Variants in DLGAP2 observed in about 807,000 individuals in gnomAD.
The protein encoded by DLGAP2 is disks large-associated protein 2.
DLGAP2 carries 26 observed loss-of-function variants against 100.3 expected under a neutral mutation model. That is an observed-to-expected ratio of 0.26 (90% CI 0.19 to 0.36). The LOEUF (loss-of-function observed/expected upper bound fraction) is 0.36, where lower values mean the gene tolerates loss of function less well. DLGAP2 is among the 10% of genes least tolerant of loss of function. The pLI is 1.00. For synonymous variants in DLGAP2, 886 were observed against 630.1 expected, an observed-to-expected ratio of 1.41 and a Z score of -6.08; for missense variants, 1,858 against 1,453.2, an observed-to-expected ratio of 1.28 and a Z score of -4.53.
chr8:1,637,254 A>G (rs1033979903), intron 8 of DLGAP2, among the ~76,000 whole-genome samples: 1 of 152,142 alleles, frequency 6.6e-6, no homozygotes, highest in African/African-American at 2.4e-5. Flanking sequence ...CTATATGGGG[A>G]AAGGCTTTGG....
At chr8:1,345,767 G>C (rs565425232) in intron 3 of DLGAP2, among the ~76,000 whole-genome samples, 1 of 152,318 alleles carries the variant, frequency 6.6e-6, no homozygotes, top group East Asian at 1.9e-4. Context: ...AACTTTCTAG[G>C]CTTTTTTTCT....
chr8:968,474 TC>T (rs1799935501), intron 2 of DLGAP2, among the ~76,000 whole-genome samples: 1 of 152,070 alleles, frequency 6.6e-6, no homozygotes, highest in Admixed American at 6.5e-5. Context: ...CTGCCCACAT[TC>T]CTCCAGGTCC....
intron 3 of DLGAP2, among the ~76,000 whole-genome samples, chr8:1,443,585 C>T (rs921508833): frequency 2.6e-5 from 4 of 152,160 alleles, no homozygotes; most frequent in Non-Finnish European, 1.5e-5. Context: ...TTAATGGACT[C>T]ACAGTTCCAC....
intron 1 of DLGAP2, among the ~76,000 whole-genome samples, chr8:796,012 A>G (rs1376596927): frequency 1.4e-5 from 2 of 141,408 alleles, no homozygotes; most frequent in African/African-American, 2.7e-5. Flanking sequence ...GCAGGCGTCC[A>G]GTGAGAGCAG....
At position 1,705,778 on chromosome 8, in the gene DLGAP2, C is replaced by A. The variant is rs941239885; in HGVS notation, c.*4372C>A. 7.2e-5 allele frequency: 11 copies of A among 152,160 alleles called. No individual in the cohort carries two copies. The highest frequency in any genetic ancestry group is 2.4e-4 in the African/African-American group (10 of 41,420). 9.4% of individuals were successfully genotyped at this position (152,160 alleles called of 1,614,324 possible). On this transcript the variant is annotated 3_prime_UTR_variant, in exon 15 of 15. Coordinates refer to ENST00000637795, the MANE Select transcript of DLGAP2 (RefSeq NM_001346810.2). ...TAAAACTGCAGTTTTCAGACGACAGCCCCTGGGAATGTTCCAGGGTTCTCT... is the reference window on the plus strand; with the variant it reads ...TAAAACTGCAGTTTTCAGACGACAGACCCTGGGAATGTTCCAGGGTTCTCT...
intron 2 of DLGAP2, among the ~76,000 whole-genome samples, chr8:1,051,703 C>T (rs1158470296): frequency 2.0e-5 from 3 of 152,076 alleles, no homozygotes; most frequent in Non-Finnish European, 4.4e-5. Context: ...ACGGAAGCTG[C>T]TTCTTCTCAT....
chr8:1,313,290 A>G (rs1480591362), intron 3 of DLGAP2, among the ~76,000 whole-genome samples: 6 of 152,240 alleles, frequency 3.9e-5, no homozygotes, highest in African/African-American at 9.6e-5. Context: ...CATTATATAT[A>G]TTCAGTGTTG....
intron 8 of DLGAP2, among the ~76,000 whole-genome samples, chr8:1,662,774 G>A (rs1011631378): frequency 6.6e-6 from 1 of 152,234 alleles, no homozygotes; most frequent in Non-Finnish European, 1.5e-5. Flanking sequence ...TGTGAGTGTG[G>A]GGTGTGTGTG....
At chr8:1,003,068 G>A (rs1041557874) in intron 2 of DLGAP2, 3 of 152,362 alleles carry the variant, frequency 2.0e-5, no homozygotes, top group African/African-American at 4.8e-5. Flanking sequence ...GAGTCCCTGA[G>A]CCACTGTCTA....
intron 6 of DLGAP2, among the ~76,000 whole-genome samples, chr8:1,606,258 T>C (rs922595148): frequency 5.9e-5 from 9 of 152,114 alleles, no homozygotes; most frequent in African/African-American, 1.9e-4. Flanking sequence ...CCTCCTTTAT[T>C]GAGTTATGAT....
At chr8:1,625,123 G>C (rs1404764418) in intron 6 of DLGAP2, among the ~76,000 whole-genome samples, 7 of 152,138 alleles carry the variant, frequency 4.6e-5, no homozygotes, top group African/African-American at 1.7e-4. Flanking sequence ...AAGAAAGTGT[G>C]TGCTTTAATG....
chr8:838,374 C>A (rs1259749478), intron 1 of DLGAP2, among the ~76,000 whole-genome samples: 1 of 151,814 alleles, frequency 6.6e-6, no homozygotes, highest in African/African-American at 2.4e-5. Context: ...GGGATGTGGT[C>A]TTGGCATCAG....
chr8:1,185,692 AACACACACACTCACACTCACACAC>A (rs1234489870), intron 2 of DLGAP2, among the ~76,000 whole-genome samples: 9 of 147,082 alleles, frequency 6.1e-5, no homozygotes, highest in South Asian at 2.2e-4. Context: ...ACTAGCTGTA[AACACACACACTCACACTCACACAC>A]ACACACACAC....
chr8:1,514,860 A>C (rs1010377409), intron 4 of DLGAP2, among the ~76,000 whole-genome samples: 16 of 152,312 alleles, frequency 1.1e-4, no homozygotes, highest in African/African-American at 3.6e-4. Flanking sequence ...AGAGTCTGAC[A>C]GAGCTGCATG....
chr8:1,023,252 G>A (rs556709077), intron 2 of DLGAP2, among the ~76,000 whole-genome samples: 109 of 152,332 alleles, frequency 7.2e-4, no homozygotes, highest in Admixed American at 1.8e-3. Context: ...AGATATAGCA[G>A]TTCAGAAGTG....
intron 1 of DLGAP2, among the ~76,000 whole-genome samples, chr8:812,856 C>G (rs1311349799): frequency 2.0e-5 from 3 of 152,116 alleles, no homozygotes; most frequent in Admixed American, 2.0e-4. Context: ...AGTGGTTATC[C>G]TAATGCACCC....
intron 3 of DLGAP2, among the ~76,000 whole-genome samples, chr8:1,303,339 C>G (rs4559267): frequency 0.79 from 118,553 of 149,846 alleles, 47,132 homozygotes; most frequent in African/African-American, 0.89. Context: ...GGAGCTTGCA[C>G]AGAGCCGAGA....
At chr8:863,587 T>C (rs1797433922) in intron 1 of DLGAP2, among the ~76,000 whole-genome samples, 1 of 152,194 alleles carries the variant, frequency 6.6e-6, no homozygotes, top group South Asian at 2.1e-4. Flanking sequence ...CTCTGTTGAT[T>C]GTTTCCTTTG....
chr8:1,260,025 G>C (rs539027272), intron 3 of DLGAP2, among the ~76,000 whole-genome samples: 2 of 152,258 alleles, frequency 1.3e-5, no homozygotes, highest in Admixed American at 6.5e-5. Flanking sequence ...GGCATTTCCA[G>C]AGTCAAAAGT....
Sources: allele counts gnomAD v4.1 joint callset (sites outside exome capture counted in the v4.1 genomes callset), GRCh38; gene constraint gnomAD v4.1.1; transcripts MANE v1.5; gene names NCBI Gene and HGNC (gene_info 2026-07-23, HGNC 2026-07-21).